The following CEP128 variants were observed in gnomAD, a reference collection of about 807,000 sequenced individuals.
CEP128 encodes the protein centrosomal protein 128.
CEP128 carries 132 observed loss-of-function variants against 156.7 expected under a neutral mutation model. The observed-to-expected ratio is 0.84, with a 90% confidence interval of 0.73 to 0.97. The LOEUF is 0.97. Ranked by LOEUF, CEP128 falls within the 50% of genes least tolerant of loss-of-function variation. The probability of loss-of-function intolerance (pLI) is 0.00; values close to 1 mark genes in which losing one functional copy is unlikely to be tolerated. For missense variants in CEP128, 1,252 were observed against 1,281.9 expected (o/e 0.98, Z 0.36); for synonymous variants, 469 against 448.9 (o/e 1.04, Z -0.57).
intron 21 of CEP128, among the ~76,000 whole-genome samples, chr14:80,536,374 G>C (rs772132684): frequency 4.6e-5 from 7 of 152,084 alleles, no homozygotes; most frequent in Non-Finnish European, 8.8e-5. Flanking sequence ...TTGAGGTTTA[G>C]ATGATGAATA....
rs74066024 is a variant in CEP128 at position 80,638,426 on chromosome 14, G to A, written c.2807-58003C>T. ...TCCTGGTGTCCCTCAAACTGTGCAC[G>A]AAGCCCAATCTATGGGCACAGAGGA... On this transcript the variant is annotated intron_variant, in intron 19 of 24. Coordinates refer to ENST00000555265, the MANE Select transcript of CEP128 (RefSeq NM_152446.5). 5.0e-3 allele frequency among the ~76,000 whole-genome samples: 756 copies of A among 152,104 alleles called. 14 individuals carry two copies. Among genetic ancestry groups the A allele is most frequent in the African/African-American group, 0.017 (710 of 41,478 alleles).
At chr14:80,662,883 G>A (rs1231608989) in intron 19 of CEP128, among the ~76,000 whole-genome samples, 1 of 152,148 alleles carries the variant, frequency 6.6e-6, no homozygotes, top group African/African-American at 2.4e-5. Context: ...TTAAACAAAT[G>A]TAGCTACCAA....
At chr14:80,836,661 C>T (rs1886094085) in intron 11 of CEP128, among the ~76,000 whole-genome samples, 1 of 152,058 alleles carries the variant, frequency 6.6e-6, no homozygotes, top group African/African-American at 2.4e-5. Flanking sequence ...TTTCAATTTT[C>T]ACCCATTTGC....
At position 80,761,570 on chromosome 14, in the gene CEP128, T is replaced by G; in HGVS notation, c.2420A>C (p.Glu807Ala). The G allele has an allele frequency of 6.2e-7, 1 of 1,611,994 alleles. No homozygotes were observed. The highest frequency in any genetic ancestry group is 8.5e-7 in the Non-Finnish European group (1 of 1,178,524). Residue 807 changes from glutamate to alanine, a missense_variant, in exon 17 of 25, where the codon GAA (glutamate) becomes GCA (alanine). Physicochemically the swap from Glu to Ala is moderately radical, Grantham distance 107 (BLOSUM62 -1). Coordinates refer to ENST00000555265, the MANE Select transcript of CEP128 (RefSeq NM_152446.5). ...SIEEEHLRRM[E>A]EARLQLKDQL... ...ATCCTTGAGCTGCAATCTGGCCTCT[T>G]CCATCCTCCTTAAGTGCTCCTCTTC...
At chr14:80,739,792 A>C (rs1898714858) in intron 19 of CEP128, among the ~76,000 whole-genome samples, 2 of 152,200 alleles carry the variant, frequency 1.3e-5, no homozygotes, top group East Asian at 3.8e-4. Context: ...CGAAATGAAT[A>C]AAATATAAAC....
chr14:80,589,043 T>C (rs1381103027), intron 19 of CEP128, among the ~76,000 whole-genome samples: 1 of 152,066 alleles, frequency 6.6e-6, no homozygotes, highest in Admixed American at 6.6e-5. Flanking sequence ...TAATTACCCA[T>C]GTGGGTCCAA....
intron 19 of CEP128, among the ~76,000 whole-genome samples, chr14:80,585,388 A>C (rs149096020): frequency 6.6e-6 from 1 of 152,324 alleles, no homozygotes; most frequent in African/African-American, 2.4e-5. Context: ...AGAAGCAGAT[A>C]GATTGTTTGT....
At chr14:80,518,429 A>C (rs1369533641) in intron 23 of CEP128, among the ~76,000 whole-genome samples, 1 of 152,090 alleles carries the variant, frequency 6.6e-6, no homozygotes, top group Non-Finnish European at 1.5e-5. Flanking sequence ...TACATGAAAA[A>C]TATGTGTAAT....
At chr14:80,851,273 A>G (rs1191477515) in intron 9 of CEP128, among the ~76,000 whole-genome samples, 1 of 152,160 alleles carries the variant, frequency 6.6e-6, no homozygotes, top group Non-Finnish European at 1.5e-5. Context: ...GCATAAGCAA[A>G]CAAACAATAA....
At chr14:80,847,087 G>C (rs546975505) in intron 9 of CEP128, among the ~76,000 whole-genome samples, 109 of 152,080 alleles carry the variant, frequency 7.2e-4, no homozygotes, top group African/African-American at 2.4e-3. Context: ...CATCCTCCAA[G>C]GTCTCTTCAG....
At chr14:80,943,182 T>C (rs7153585), upstream of CEP128, among the ~76,000 whole-genome samples, 9,663 of 152,290 alleles carry the variant, frequency 0.063, 1,012 homozygotes, top group African/African-American at 0.22. Flanking sequence ...ATGTATGCTG[T>C]ATATTTCTAG....
chr14:80,614,553 T>C (rs1456582406), intron 19 of CEP128, among the ~76,000 whole-genome samples: 5 of 152,106 alleles, frequency 3.3e-5, no homozygotes, highest in African/African-American at 1.2e-4. Flanking sequence ...GGTTTCAGAA[T>C]ATAATTTGCC....
intron 19 of CEP128, among the ~76,000 whole-genome samples, chr14:80,648,627 G>C (rs373972615): frequency 3.2e-4 from 48 of 152,186 alleles, no homozygotes; most frequent in African/African-American, 1.0e-3. Flanking sequence ...GAAGTCTGTA[G>C]AAGAATACCT....
chr14:80,809,387 T>C (rs1566641694), intron 13 of CEP128, among the ~76,000 whole-genome samples: 1 of 151,962 alleles, frequency 6.6e-6, no homozygotes, highest in Non-Finnish European at 1.5e-5. Flanking sequence ...TGACCAAATA[T>C]ATGAATTATC....
At chr14:80,889,322 C>A (rs1378337239) in intron 8 of CEP128, among the ~76,000 whole-genome samples, 1 of 152,148 alleles carries the variant, frequency 6.6e-6, no homozygotes, top group Non-Finnish European at 1.5e-5. Context: ...CATAGCCAAA[C>A]AATCCTAAGC....
downstream of CEP128, among the ~76,000 whole-genome samples, chr14:80,490,066 G>A (rs1887273265): frequency 6.6e-6 from 1 of 152,082 alleles, no homozygotes; most frequent in African/African-American, 2.4e-5. Context: ...CAATAAGGGG[G>A]AGGGGCATCA....
At chr14:80,624,999 A>AAC (rs777730880) in intron 19 of CEP128, among the ~76,000 whole-genome samples, 6 of 152,214 alleles carry the variant, frequency 3.9e-5, no homozygotes, top group African/African-American at 9.6e-5. Context: ...GCCTAGACCA[A>AAC]ACTCCTGAAG....
At chr14:80,896,419 T>G (rs1889353194) in intron 7 of CEP128, among the ~76,000 whole-genome samples, 1 of 152,200 alleles carries the variant, frequency 6.6e-6, no homozygotes, top group Non-Finnish European at 1.5e-5. Context: ...ATTTCCATTA[T>G]TAATTATTTT....
chr14:80,606,071 T>C (rs941769196), intron 19 of CEP128, among the ~76,000 whole-genome samples: 6 of 152,052 alleles, frequency 3.9e-5, no homozygotes, highest in East Asian at 3.8e-4. Context: ...ATGGTTTTCA[T>C]GGATAATCTC....
Sources: allele counts gnomAD v4.1 joint callset (sites outside exome capture counted in the v4.1 genomes callset), GRCh38; gene constraint gnomAD v4.1.1; transcripts MANE v1.5; gene names NCBI Gene and HGNC (gene_info 2026-07-23, HGNC 2026-07-21).